NPEPPS: variants seen among roughly 807,000 people sequenced by gnomAD.
NPEPPS encodes the protein aminopeptidase puromycin sensitive.
Under a neutral mutation model 115.5 loss-of-function variants are expected in NPEPPS, and 14 were observed. The ratio of observed to expected loss-of-function variants is 0.12; its 90% CI spans 0.08 to 0.19. The LOEUF (loss-of-function observed/expected upper bound fraction) is 0.19. Ranked by LOEUF, NPEPPS falls within the 10% of genes least tolerant of loss-of-function variation. NPEPPS has a pLI of 1.00. For missense variants in NPEPPS, 523 were observed against 1,110.8 expected (o/e 0.47, Z 7.52); for synonymous variants, 285 against 390.6 (o/e 0.73, Z 3.19).
At chr17:47,526,485 C>A (rs2612001), upstream of NPEPPS, among the ~76,000 whole-genome samples, 1 of 150,860 alleles carries the variant, frequency 6.6e-6, no homozygotes, top group African/African-American at 2.5e-5. Context: ...AGCATTAAAC[C>A]GGTTAGCTTG....
intron 2 of NPEPPS, chr17:47,548,171 A>T (rs1222086470): frequency 6.6e-6 from 1 of 152,178 alleles, no homozygotes; most frequent in African/African-American, 2.4e-5. Context: ...ATTTTTTCTT[A>T]AACTATTTTG....
intron 13 of NPEPPS, among the ~76,000 whole-genome samples, chr17:47,598,951 T>A (rs980085976): frequency 2.0e-5 from 3 of 152,086 alleles, no homozygotes; most frequent in African/African-American, 7.2e-5. Flanking sequence ...GAGTTTGAGA[T>A]CATCCTGGGC....
intron 14 of NPEPPS, among the ~76,000 whole-genome samples, chr17:47,600,419 C>T (rs185052815): frequency 6.6e-6 from 1 of 152,144 alleles, no homozygotes; most frequent in Non-Finnish European, 1.5e-5. Flanking sequence ...CTGGGTGACA[C>T]GGCGAGACCC....
chr17:47,615,073 C>A (rs1333362033), intron 19 of NPEPPS, among the ~76,000 whole-genome samples: 5 of 122,474 alleles, frequency 4.1e-5, no homozygotes, highest in South Asian at 2.5e-4. Context: ...TACTTTCTTT[C>A]TTTTTTTTTT....
intron 4 of NPEPPS, chr17:47,581,684 G>C (rs1911886433): frequency 2.0e-5 from 1 of 50,686 alleles, no homozygotes; most frequent in South Asian, 9.3e-4. Context: ...TACCTCTTTG[G>C]TTTGTTTGTT....
chr17:47,532,471 G>C (rs1422166718), intron 1 of NPEPPS, among the ~76,000 whole-genome samples: 1 of 151,894 alleles, frequency 6.6e-6, no homozygotes, highest in African/African-American at 2.4e-5. Context: ...TGACCAACAT[G>C]GTGAAACCCC....
chr17:47,540,244 A>G (rs1052619914), intron 1 of NPEPPS, among the ~76,000 whole-genome samples: 17 of 152,070 alleles, frequency 1.1e-4, no homozygotes, highest in African/African-American at 3.6e-4. Context: ...GCAAGGATAC[A>G]CTAACATTCT....
chr17:47,590,676 T>G, intron 9 of NPEPPS, 41 bp from the exon 10 acceptor site: 1 of 1,583,256 alleles, frequency 6.3e-7, no homozygotes, highest in South Asian at 1.1e-5. Context: ...AGAATGACAA[T>G]CATTTCATTT....
In NPEPPS at chr17:47,622,249, GT is replaced by G; in HGVS notation, c.*334del. 3.2e-6 allele frequency: 1 copy of G among 311,290 alleles called. No homozygotes were observed. The highest frequency in any genetic ancestry group is 4.8e-6 in the Non-Finnish European group (1 of 208,246). The allele number at this position is 311,290 out of a possible 1,614,324, so 19.3% of individuals were successfully genotyped here. On this transcript the variant is annotated 3_prime_UTR_variant, in exon 23 of 23. Coordinates refer to ENST00000322157, the MANE Select transcript of NPEPPS (RefSeq NM_006310.4). ...CTCTACTGTTAATGACAGATGTTCT[GT>G]TTTTATAACCTACCAAAAGGAAACT...
intron 21 of NPEPPS, chr17:47,619,390 C>T (rs1260914240): frequency 1.8e-6 from 1 of 542,346 alleles, no homozygotes; most frequent in Admixed American, 3.1e-5. Flanking sequence ...CCTGTCCCTA[C>T]TAAAAATACA....
In NPEPPS at chr17:47,613,665, G is replaced by T. The variant is rs145082307; in HGVS notation, c.2239-4G>T. 1.0e-4 allele frequency: 165 copies of T among 1,606,992 alleles called. No homozygotes were observed. In the African/African-American group the frequency reaches 2.0e-3, roughly 19 times the overall value. On this transcript the variant is annotated splice_polypyrimidine_tract_variant and splice_region_variant and intron_variant, in intron 18 of 22. Coordinates refer to ENST00000322157, the MANE Select transcript of NPEPPS (RefSeq NM_006310.4). ...TCAAATGACTTATTTTTTGTCCCTT[G>T]TAGGTCTATCTGACTGTTTTGAAGC...
At chr17:47,574,117 T>C (rs1471383462) in intron 3 of NPEPPS, among the ~76,000 whole-genome samples, 1 of 152,124 alleles carries the variant, frequency 6.6e-6, no homozygotes, top group Non-Finnish European at 1.5e-5. Context: ...ACGTGTTTCA[T>C]ATGCAGATAA....
intron 1 of NPEPPS, among the ~76,000 whole-genome samples, chr17:47,539,857 G>A (rs1246813980): frequency 6.6e-6 from 1 of 151,948 alleles, no homozygotes; most frequent in Non-Finnish European, 1.5e-5. Context: ...GTTCCACCAA[G>A]GCAACAATTA....
chr17:47,543,483 ATT>A (rs1244034572), intron 1 of NPEPPS, among the ~76,000 whole-genome samples: 18 of 118,090 alleles, frequency 1.5e-4, no homozygotes, highest in Admixed American at 1.8e-4. Flanking sequence ...GGCCTGGCTA[ATT>A]TTTTTTTTTT....
intron 1 of NPEPPS, among the ~76,000 whole-genome samples, chr17:47,544,223 G>A (rs552822449): frequency 1.3e-5 from 2 of 152,060 alleles, no homozygotes; most frequent in South Asian, 4.2e-4. Flanking sequence ...TGGAGATGGG[G>A]TCTCTCTACT....
At chr17:47,576,804 G>A (rs1911548938) in intron 3 of NPEPPS, among the ~76,000 whole-genome samples, 1 of 152,110 alleles carries the variant, frequency 6.6e-6, no homozygotes. Context: ...ATTTGAGGAA[G>A]TGGTGTAAAT....
At chr17:47,540,850 T>G (rs1022768909) in intron 1 of NPEPPS, among the ~76,000 whole-genome samples, 3 of 152,196 alleles carry the variant, frequency 2.0e-5, no homozygotes, top group African/African-American at 4.8e-5. Context: ...ATCTCTAATA[T>G]AAGACAAGAT....
rs1297739102 is a variant in NPEPPS, at chr17:47,580,509, A to G, written c.540+998A>G. The G allele has an allele frequency of 2.6e-5, 4 of 152,160 alleles. No homozygotes were observed. In the East Asian group the frequency reaches 7.7e-4, roughly 29 times the overall value. The allele number at this position is 152,160 out of a possible 1,614,324, so 9.4% of individuals were successfully genotyped here. ...ACATGACCAGATTTACTGGGTATAT[A>G]GATTTGTTGATGAAAAAAGGTAAAA... is the stretch of plus-strand genomic sequence containing the variant. On this transcript the variant is annotated intron_variant, in intron 4 of 22. Coordinates refer to ENST00000322157, the MANE Select transcript of NPEPPS (RefSeq NM_006310.4).
chr17:47,580,853 T>C (rs1208505471), intron 4 of NPEPPS: 1 of 149,632 alleles, frequency 6.7e-6, no homozygotes, highest in Non-Finnish European at 1.5e-5. Context: ...CCCATAGAAT[T>C]GCCTCATAGG....
Sources: allele counts gnomAD v4.1 joint callset (sites outside exome capture counted in the v4.1 genomes callset), GRCh38; gene constraint gnomAD v4.1.1; transcripts MANE v1.5; gene names NCBI Gene and HGNC (gene_info 2026-07-23, HGNC 2026-07-21).